The following EML6 variants were observed in gnomAD, a reference collection of about 807,000 sequenced individuals.
The protein encoded by EML6 is EMAP like 6.
A neutral mutation model predicts 240.1 loss-of-function variants in EML6; 154 were observed. That is an observed-to-expected ratio of 0.64 (90% CI 0.56 to 0.73). The LOEUF (loss-of-function observed/expected upper bound fraction) is 0.73, where lower values mean the gene tolerates loss of function less well. Among genes scored for constraint, EML6 ranks in the 30% least tolerant of loss-of-function variants. EML6 has a pLI of 0.00. For synonymous variants in EML6, 1,148 were observed against 899.0 expected (o/e 1.28, Z -4.95); for missense variants, 2,964 against 2,474.6 (o/e 1.20, Z -4.20).
chr2:54,745,955 A>G (rs1464496834), intron 2 of EML6, among the ~76,000 whole-genome samples: 1 of 152,166 alleles, frequency 6.6e-6, no homozygotes, highest in Non-Finnish European at 1.5e-5. Flanking sequence ...ATTGTAAGCC[A>G]AGGGAGGAGC....
chr2:54,797,912 T>G (rs1371844253), intron 2 of EML6, among the ~76,000 whole-genome samples: 2 of 152,202 alleles, frequency 1.3e-5, no homozygotes, highest in African/African-American at 4.8e-5. Flanking sequence ...AATCAAGATT[T>G]AATATAGTGT....
At chr2:54,905,948 G>T (rs1051377410) in intron 24 of EML6, among the ~76,000 whole-genome samples, 2 of 152,190 alleles carry the variant, frequency 1.3e-5, no homozygotes, top group African/African-American at 4.8e-5. Flanking sequence ...CTGTGTGGCT[G>T]CCACATTTCA....
At chr2:54,838,841 GAAACGCC>G (rs1275378804) in intron 7 of EML6, among the ~76,000 whole-genome samples, 1 of 152,234 alleles carries the variant, frequency 6.6e-6, no homozygotes, top group Non-Finnish European at 1.5e-5. Flanking sequence ...TCTGTGTGGT[GAAACGCC>G]TTCAGTTCAC....
Position 54,813,342 on chromosome 2 carries a change from A to G in EML6, c.308A>G (p.Asp103Gly). ...GTCCAGACTGTGTCTCTTCTTAAAG[A>G]TGTCCATACACATGGAGTTGCCTGC... Reference protein sequence around the residue: ...YNVQTVSLLKDVHTHGVACLA... With the variant: ...YNVQTVSLLKGVHTHGVACLA... Residue 103 changes from aspartate (D) to glycine (G), a missense_variant, in exon 3 of 42, where the codon GAT becomes GGT. Physicochemically the swap from Asp to Gly is moderately conservative, Grantham distance 94. Coordinates refer to ENST00000356458, the MANE Select transcript of EML6 (RefSeq NM_001039753.4). 1 of 1,551,738 alleles carries G rather than the reference A, an allele frequency of 6.4e-7. No homozygotes were observed. The highest frequency in any genetic ancestry group is 8.7e-7 in the Non-Finnish European group (1 of 1,146,874).
chr2:54,964,755 A>G (rs1441867914), intron 38 of EML6, 22 bp downstream of exon 38: 4 of 1,550,798 alleles, frequency 2.6e-6, no homozygotes, highest in Admixed American at 2.0e-5. Flanking sequence ...GTTTACTTAT[A>G]TCTGGGGCAA....
intron 4 of EML6, among the ~76,000 whole-genome samples, chr2:54,819,228 C>G (rs555651990): frequency 6.6e-6 from 1 of 152,238 alleles, no homozygotes; most frequent in Admixed American, 6.5e-5. Flanking sequence ...ACAAGTAGTC[C>G]TTCCCTTTCT....
intron 7 of EML6, among the ~76,000 whole-genome samples, chr2:54,837,010 G>C (rs72919507): frequency 0.012 from 1,880 of 152,136 alleles, 43 homozygotes; most frequent in African/African-American, 0.041. Context: ...AAGGGCGGGG[G>C]GTTTTGAAGA....
rs1251637254 is a variant in EML6, at chr2:54,770,951, CATGTACTGA to C, written c.198-42279_198-42271del. Among the ~76,000 whole-genome samples, 14 of 152,134 alleles carry C rather than the reference CATGTACTGA, an allele frequency of 9.2e-5. No individual in the cohort carries two copies. The South Asian group carries it at 2.3e-3, about 25-fold the overall frequency. On this transcript the variant is annotated intron_variant, in intron 2 of 41. Coordinates refer to ENST00000356458, the MANE Select transcript of EML6 (RefSeq NM_001039753.4). The stretch of plus-strand genomic sequence containing the variant: ...TCTTCATGTTGGTGAATGGTTGTAC[CATGTACTGA>C]AATGGAAACACAGAGAGGAGCAGGT...
chr2:54,814,104 A>G (rs1370551417), intron 3 of EML6, among the ~76,000 whole-genome samples: 2 of 152,230 alleles, frequency 1.3e-5, no homozygotes, highest in African/African-American at 4.8e-5. Flanking sequence ...TGGAGTACTC[A>G]ATGAATAAAG....
At chr2:54,757,038 A>G (rs1383289690) in intron 2 of EML6, among the ~76,000 whole-genome samples, 2 of 151,612 alleles carry the variant, frequency 1.3e-5, no homozygotes, top group South Asian at 2.1e-4. Flanking sequence ...TATATTTTAT[A>G]TTTTAAAATG....
intron 2 of EML6, among the ~76,000 whole-genome samples, chr2:54,762,857 G>C (rs918928766): frequency 3.3e-5 from 5 of 152,188 alleles, no homozygotes; most frequent in Admixed American, 6.5e-5. Context: ...TAAGAACTGT[G>C]ATCTGTGATC....
intron 31 of EML6, 136 bp from the exon 32 acceptor site, chr2:54,953,847 A>G (rs1676101807): frequency 4.4e-6 from 3 of 677,100 alleles, no homozygotes; most frequent in Non-Finnish European, 2.4e-6. Context: ...AGCTGGTGCC[A>G]CTGCACTCTG....
chr2:54,914,024 A>G (rs1475228588), intron 25 of EML6, among the ~76,000 whole-genome samples: 5 of 152,122 alleles, frequency 3.3e-5, no homozygotes, highest in Non-Finnish European at 7.4e-5. Flanking sequence ...GTCTTTTTAT[A>G]CCAGTACCAG....
At chr2:54,857,822 G>C (rs1670467491) in intron 11 of EML6, among the ~76,000 whole-genome samples, 2 of 152,162 alleles carry the variant, frequency 1.3e-5, no homozygotes, top group Admixed American at 6.5e-5. Flanking sequence ...ATAGCAAAGA[G>C]ACCAATGTAC....
intron 11 of EML6, among the ~76,000 whole-genome samples, chr2:54,855,840 G>A (rs1670346355): frequency 6.6e-6 from 1 of 152,134 alleles, no homozygotes; most frequent in South Asian, 2.1e-4. Flanking sequence ...TAAAAGAGTG[G>A]GAATTGTTGA....
intron 2 of EML6, among the ~76,000 whole-genome samples, chr2:54,753,137 A>G (rs1230344537): frequency 6.6e-6 from 1 of 152,234 alleles, no homozygotes; most frequent in African/African-American, 2.4e-5. Context: ...ATATACCACT[A>G]ATGTATGAGA....
At chr2:54,863,446 C>G (rs944202818) in intron 12 of EML6, among the ~76,000 whole-genome samples, 2 of 152,012 alleles carry the variant, frequency 1.3e-5, no homozygotes, top group Non-Finnish European at 2.9e-5. Context: ...GCTTGAGCCC[C>G]GGAGGAGGAG....
At chr2:54,940,309 A>C (rs1168795251) in intron 28 of EML6, among the ~76,000 whole-genome samples, 1 of 152,236 alleles carries the variant, frequency 6.6e-6, no homozygotes, top group East Asian at 1.9e-4. Context: ...AAGTTCTATA[A>C]AGAAAACTAT....
chr2:54,751,794 T>C (rs747183338), intron 2 of EML6, among the ~76,000 whole-genome samples: 19 of 152,210 alleles, frequency 1.2e-4, no homozygotes, highest in Non-Finnish European at 2.1e-4. Flanking sequence ...TATTGTTAAC[T>C]TCTGGCTAAT....
Sources: gnomAD v4.1 joint callset for allele counts (sites outside exome capture counted in the v4.1 genomes callset) on GRCh38, gnomAD v4.1.1 for gene constraint, MANE v1.5 for transcripts, NCBI Gene and HGNC (gene_info 2026-07-23, HGNC 2026-07-21) for gene names.